Variants in GRM7 observed in about 807,000 individuals in gnomAD.
GRM7 encodes the protein glutamate metabotropic receptor 7.
GRM7 carries 35 observed loss-of-function variants against 84.5 expected under a neutral mutation model. The ratio of observed to expected loss-of-function variants is 0.41; its 90% CI spans 0.32 to 0.55. The LOEUF is 0.55. Among genes scored for constraint, GRM7 ranks in the 20% least tolerant of loss-of-function variants. The pLI, the probability that GRM7 is intolerant of heterozygous loss-of-function variation, is 0.19. For missense variants in GRM7, 1,003 were observed against 1,194.6 expected (o/e 0.84, Z 2.36); for synonymous variants, 487 against 455.1 (o/e 1.07, Z -0.89).
At chr3:7,376,360 T>G (rs1433313506) in intron 4 of GRM7, among the ~76,000 whole-genome samples, 1 of 152,204 alleles carries the variant, frequency 6.6e-6, no homozygotes, top group Non-Finnish European at 1.5e-5. Context: ...CACACCGAGC[T>G]GTTCTCCTCG....
intron 1 of GRM7, among the ~76,000 whole-genome samples, chr3:6,964,430 A>G (rs763731350): frequency 3.9e-5 from 6 of 152,136 alleles, no homozygotes; most frequent in Non-Finnish European, 5.9e-5. Flanking sequence ...CGCATTGTGT[A>G]AGGACTTAAA....
At chr3:7,130,551 AAAAG>A (rs1693560234) in intron 1 of GRM7, among the ~76,000 whole-genome samples, 1 of 43,532 alleles carries the variant, frequency 2.3e-5, no homozygotes, top group Admixed American at 1.4e-4. Context: ...CTCAAAAAAA[AAAAG>A]AAAAGAAAAA....
At chr3:7,381,955 G>T (rs930039367) in intron 4 of GRM7, among the ~76,000 whole-genome samples, 1 of 151,964 alleles carries the variant, frequency 6.6e-6, no homozygotes, top group Non-Finnish European at 1.5e-5. Context: ...TTATTTCTAG[G>T]ATGATGACCC....
At chr3:7,591,802 T>G (rs1695794131) in intron 8 of GRM7, among the ~76,000 whole-genome samples, 2 of 152,024 alleles carry the variant, frequency 1.3e-5, no homozygotes. Context: ...ACTGATATCA[T>G]CCCCATTTAC....
chr3:7,637,188 G>A (rs556373171), intron 8 of GRM7, among the ~76,000 whole-genome samples: 2 of 152,200 alleles, frequency 1.3e-5, no homozygotes, highest in Non-Finnish European at 2.9e-5. Flanking sequence ...CTGACACCCA[G>A]GCTACAGTGC....
intron 7 of GRM7, among the ~76,000 whole-genome samples, chr3:7,532,327 A>G (rs1025899791): frequency 2.0e-5 from 3 of 152,128 alleles, no homozygotes; most frequent in African/African-American, 4.8e-5. Flanking sequence ...CAGGGATTCA[A>G]CTTCTTCCTG....
chr3:7,376,171 G>A (rs1046285866), intron 4 of GRM7, among the ~76,000 whole-genome samples: 1 of 152,088 alleles, frequency 6.6e-6, no homozygotes, highest in African/African-American at 2.4e-5. Context: ...CCAACTTTAT[G>A]ACAAGCAGTG....
chr3:7,236,808 TC>T (rs540096480), intron 2 of GRM7, among the ~76,000 whole-genome samples: 32 of 152,136 alleles, frequency 2.1e-4, no homozygotes, highest in Non-Finnish European at 3.5e-4. Context: ...CCCTAAAAGA[TC>T]AACCAAACCT....
chr3:7,024,241 C>A (rs956541036), intron 1 of GRM7, among the ~76,000 whole-genome samples: 63 of 152,276 alleles, frequency 4.1e-4, no homozygotes, highest in African/African-American at 1.5e-3. Flanking sequence ...AAACTCGTTT[C>A]CTCTATCTAG....
intron 1 of GRM7, among the ~76,000 whole-genome samples, chr3:6,955,955 T>C (rs930699104): frequency 7.9e-5 from 12 of 152,214 alleles, no homozygotes; most frequent in African/African-American, 2.7e-4. Flanking sequence ...ACATTGTATA[T>C]GGCATAAATT....
chr3:7,713,356 C>G (rs1161698797), intron 9 of GRM7, among the ~76,000 whole-genome samples: 1 of 151,760 alleles, frequency 6.6e-6, no homozygotes, highest in African/African-American at 2.4e-5. Flanking sequence ...AGGCTGGTCT[C>G]GAACTCCTGA....
At chr3:6,887,909 T>C (rs1234053371) in intron 1 of GRM7, among the ~76,000 whole-genome samples, 2 of 152,342 alleles carry the variant, frequency 1.3e-5, no homozygotes, top group East Asian at 3.9e-4. Context: ...CCTGACTTTT[T>C]AATGATTGCC....
intron 6 of GRM7, among the ~76,000 whole-genome samples, chr3:7,455,264 A>G (rs1188508402): frequency 6.6e-6 from 1 of 152,190 alleles, no homozygotes; most frequent in Admixed American, 6.5e-5. Context: ...GCCCTTTTGT[A>G]AAGACCTAAG....
At chr3:7,101,566 T>C (rs1223265066) in intron 1 of GRM7, among the ~76,000 whole-genome samples, 1 of 151,482 alleles carries the variant, frequency 6.6e-6, no homozygotes, top group East Asian at 1.9e-4. Context: ...TGTAATATAA[T>C]CACGGTTAGG....
chr3:7,112,519 T>A (rs1168585070), intron 1 of GRM7, among the ~76,000 whole-genome samples: 5 of 152,160 alleles, frequency 3.3e-5, no homozygotes, highest in African/African-American at 1.2e-4. Context: ...CCACTGCACC[T>A]GGCCTTATGA....
At chr3:7,428,897 G>A (rs1040387673) in intron 5 of GRM7, among the ~76,000 whole-genome samples, 2 of 152,006 alleles carry the variant, frequency 1.3e-5, no homozygotes, top group Non-Finnish European at 2.9e-5. Context: ...GTATCCTATC[G>A]TTTGCAGAAA....
At chr3:7,364,227 C>A (rs1362773400) in intron 4 of GRM7, among the ~76,000 whole-genome samples, 2 of 151,966 alleles carry the variant, frequency 1.3e-5, no homozygotes, top group East Asian at 1.9e-4. Flanking sequence ...GAATTGGTAT[C>A]TTTCTTCCTG....
At chr3:6,942,945 ATTT>A (rs1697941897) in intron 1 of GRM7, among the ~76,000 whole-genome samples, 2 of 151,958 alleles carry the variant, frequency 1.3e-5, no homozygotes, top group African/African-American at 4.8e-5. Flanking sequence ...TCTCATTGTG[ATTT>A]TGATTTGAAT....
intron 7 of GRM7, among the ~76,000 whole-genome samples, chr3:7,526,811 A>G (rs1026882082): frequency 1.3e-5 from 2 of 151,830 alleles, no homozygotes; most frequent in African/African-American, 2.4e-5. Flanking sequence ...ATTTTTATCA[A>G]CATTGTCAAA....
Sources: allele counts gnomAD v4.1 joint callset (sites outside exome capture counted in the v4.1 genomes callset), GRCh38; gene constraint gnomAD v4.1.1; transcripts MANE v1.5; gene names NCBI Gene and HGNC (gene_info 2026-07-23, HGNC 2026-07-21).